SEPTIN9: variants seen among roughly 807,000 people sequenced by gnomAD.
SEPTIN9 encodes septin-9.
SEPTIN9 carries 13 observed loss-of-function variants against 56.6 expected under a neutral mutation model. That is an observed-to-expected ratio of 0.23 (90% CI 0.15 to 0.37). SEPTIN9 has a LOEUF of 0.37. Among genes scored for constraint, SEPTIN9 ranks in the 10% least tolerant of loss-of-function variants. The pLI, the probability that SEPTIN9 is intolerant of heterozygous loss-of-function variation, is 1.00. For missense variants in SEPTIN9, 650 were observed against 823.1 expected, an observed-to-expected ratio of 0.79 and a Z score of 2.57; for synonymous variants, 332 against 334.1, an observed-to-expected ratio of 0.99 and a Z score of 0.07.
chr17:77,348,300 T>G (rs1393733391), intron 2 of SEPTIN9, among the ~76,000 whole-genome samples: 2 of 142,046 alleles, frequency 1.4e-5, no homozygotes, highest in East Asian at 2.5e-4. Flanking sequence ...TTATGTTTTT[T>G]TTTTTTTTTT....
chr17:77,331,520 GGGCAGGGA>G (rs1470518292), intron 2 of SEPTIN9, among the ~76,000 whole-genome samples: 1 of 152,246 alleles, frequency 6.6e-6, no homozygotes, highest in East Asian at 1.9e-4. Flanking sequence ...CGCCCAGCCT[GGGCAGGGA>G]GGCGGGTGGC....
chr17:77,312,289 C>G (rs569246636), intron 2 of SEPTIN9, among the ~76,000 whole-genome samples: 24 of 152,256 alleles, frequency 1.6e-4, no homozygotes, highest in African/African-American at 5.5e-4. Flanking sequence ...AGACCTGGGC[C>G]GGGTCTTCTT....
chr17:77,386,688 G>A (rs1282000971), intron 2 of SEPTIN9, among the ~76,000 whole-genome samples: 1 of 152,200 alleles, frequency 6.6e-6, no homozygotes, highest in Non-Finnish European at 1.5e-5. Flanking sequence ...CTTGCGGACA[G>A]GTGACCACAG....
chr17:77,493,332 G>A, intron 10 of SEPTIN9: 2 of 517,790 alleles, frequency 3.9e-6, no homozygotes, highest in South Asian at 2.1e-5. Flanking sequence ...TGGGATGGGG[G>A]CCGCCAAGTT....
In SEPTIN9 at chr17:77,319,643, T is replaced by C. The variant is rs958600996; in HGVS notation, c.76+12446T>C. 9.4e-7 allele frequency: 1 copy of C among 1,061,766 alleles called. No individual in the cohort carries two copies. The highest frequency in any genetic ancestry group is 1.1e-6 in the Non-Finnish European group (1 of 877,256). 65.8% of individuals were successfully genotyped at this position (1,061,766 alleles called of 1,614,324 possible). ...CGGCCGTTCCTCCTGCCCAGCCACG[T>C]TGGGGTACAGGGTGAAGAAGGGCTG... On this transcript the variant is annotated intron_variant, in intron 2 of 11. Coordinates refer to ENST00000427177, the MANE Select transcript of SEPTIN9 (RefSeq NM_001113491.2). This position sits in a 1 kb window ranked among gnomAD's most constrained non-coding sequence, Gnocchi z 5.3.
Position 77,499,319 on chromosome 17 carries a change from C to G in SEPTIN9, c.*661C>G. On this transcript the variant is annotated 3_prime_UTR_variant, in exon 12 of 12. Transcript: ENST00000427177. ...CTCAGCCATCCGCAGACTGCTTGGC[C>G]AGATGCGGGGACAGGCTGGAATGAG... 1.7e-6 allele frequency: 1 copy of G among 596,608 alleles called. No homozygotes were observed. Among genetic ancestry groups the G allele is most frequent in the Non-Finnish European group, 3.2e-6 (1 of 308,538 alleles). The allele number at this position is 596,608 out of a possible 1,614,324, so 37.0% of individuals were successfully genotyped here.
At position 77,498,507 on chromosome 17, in the gene SEPTIN9, C is replaced by A; in HGVS notation, c.1626-16C>A. The stretch of plus-strand genomic sequence containing the variant: ...TGCGCCCACCTCACTGACCCGCCCG[C>A]CCCCCACCCCCACAGGACGCACATG... On this transcript the variant is annotated splice_polypyrimidine_tract_variant and intron_variant, in intron 11 of 11. Transcript: ENST00000427177. The A allele has an allele frequency of 6.7e-6, 3 of 446,452 alleles. No homozygotes were observed. Among genetic ancestry groups the A allele is most frequent in the Non-Finnish European group, 1.4e-5 (3 of 220,840 alleles). 27.7% of individuals were successfully genotyped at this position (446,452 alleles called of 1,614,324 possible).
chr17:77,332,256 G>A (rs1010112440), intron 2 of SEPTIN9, among the ~76,000 whole-genome samples: 8 of 151,352 alleles, frequency 5.3e-5, no homozygotes, highest in Non-Finnish European at 1.0e-4. Flanking sequence ...CAGCCTGGGC[G>A]ACAGAACAAA....
Position 77,281,530 on chromosome 17 carries a change from G to C in SEPTIN9, c.-6G>C. 6.5e-7 allele frequency: 1 copy of C among 1,549,558 alleles called. No individual in the cohort carries two copies. The highest frequency in any genetic ancestry group is 8.7e-7 in the Non-Finnish European group (1 of 1,147,316). On this transcript the variant is annotated 5_prime_UTR_variant, in exon 1 of 12. Coordinates refer to ENST00000427177, the MANE Select transcript of SEPTIN9 (RefSeq NM_001113491.2). ...CTTTCCTGGGAGCGGCGGCCACGGA[G>C]GCACCATGAAGAAGTCTTACTCAGG...
At chr17:77,467,899 G>A (rs1408612099) in intron 3 of SEPTIN9, among the ~76,000 whole-genome samples, 1 of 152,128 alleles carries the variant, frequency 6.6e-6, no homozygotes, top group African/African-American at 2.4e-5. Flanking sequence ...TGGGTGCTTC[G>A]GACGTGTAAG....
In SEPTIN9 at chr17:77,492,694, G is replaced by A. The variant is rs1439992189; in HGVS notation, c.1454G>A (p.Arg485Gln). ...GAATTTGATGAGGACTCGGAGGACC[G>A]GCTGGTGAACGAGAAGTTCCGGGTG... ...QKEFDEDSED[R>Q]LVNEKFREMI... is the part of the protein sequence containing the mutation. Residue 485 changes from arginine to glutamine, a missense_variant, in exon 9 of 12, where the codon CGG (arginine) becomes CAG (glutamine). This residue lies in a region of SEPTIN9 where 333 missense variants were observed against 494.0 expected (regional missense o/e 0.67). Coordinates refer to ENST00000427177, the MANE Select transcript of SEPTIN9 (RefSeq NM_001113491.2). The surrounding 1 kb of genome is among the most constrained non-coding windows in gnomAD (Gnocchi z 5.4). The A allele has an allele frequency of 7.4e-6, 12 of 1,613,964 alleles. No individual in the cohort carries two copies. Among genetic ancestry groups the A allele is most frequent in the South Asian group, 3.3e-5 (3 of 91,084 alleles).
intron 4 of SEPTIN9, among the ~76,000 whole-genome samples, chr17:77,484,745 GT>G (rs2039634514): frequency 1.1e-4 from 6 of 55,690 alleles, no homozygotes; most frequent in African/African-American, 7.7e-4. Context: ...GGTGGTGGTG[GT>G]GGTTGTGATG....
chr17:77,358,841 C>T (rs1269998361), intron 2 of SEPTIN9, among the ~76,000 whole-genome samples: 4 of 152,134 alleles, frequency 2.6e-5, no homozygotes, highest in Non-Finnish European at 4.4e-5. Flanking sequence ...TTGAGTTAGT[C>T]AAGGCACCAT....
intron 8 of SEPTIN9, 49 bp downstream of exon 8, chr17:77,490,908 C>T (rs754608398): frequency 3.9e-5 from 54 of 1,402,094 alleles, no homozygotes; most frequent in East Asian, 2.7e-4. Context: ...AACCTGGAGA[C>T]GCTGCAGGCC....
rs968286305 is a variant in SEPTIN9, at chr17:77,344,189, A to G, written c.76+36992A>G. Among the ~76,000 whole-genome samples, 35 of 152,270 alleles carry G rather than the reference A, an allele frequency of 2.3e-4. No individual in the cohort carries two copies. In the South Asian group the frequency reaches 7.0e-3, roughly 31 times the overall value. ...CCTACAACTAAGCCACAAAACAAAA[A>G]AAAACAACCCAGTGAACAGACATTT... is the stretch of plus-strand genomic sequence containing the variant. On this transcript the variant is annotated intron_variant, in intron 2 of 11. Coordinates refer to ENST00000427177, the MANE Select transcript of SEPTIN9 (RefSeq NM_001113491.2).
rs911435214 is a variant in SEPTIN9 at position 77,330,499 on chromosome 17, G to C, written c.76+23302G>C. 6.6e-6 allele frequency among the ~76,000 whole-genome samples: 1 copy of C among 152,172 alleles called. No homozygotes were observed. The highest frequency in any genetic ancestry group is 1.5e-5 in the Non-Finnish European group (1 of 68,022). The stretch of plus-strand genomic sequence containing the variant: ...ATGGCGTGGACTCAGCCAGGCTCTC[G>C]GGCAGCCTTTCCTGGATTCTTCCTC... On this transcript the variant is annotated intron_variant, in intron 2 of 11. Transcript: ENST00000427177. The surrounding 1 kb of genome is among the most constrained non-coding windows in gnomAD (Gnocchi z 4.4).
intron 3 of SEPTIN9, among the ~76,000 whole-genome samples, chr17:77,480,916 C>T (rs1199447634): frequency 3.9e-5 from 6 of 152,304 alleles, no homozygotes; most frequent in South Asian, 2.1e-4. Context: ...GCCCAGCCTG[C>T]GTGGGAGCTG....
rs900873267 is a variant in SEPTIN9, at chr17:77,496,929, C to A, written c.1574-386C>A. The A allele has an allele frequency of 1.0e-5, 3 of 290,428 alleles. No individual in the cohort carries two copies. The Admixed American group carries it at 1.3e-4, about 12-fold the overall frequency. 18.0% of individuals were successfully genotyped at this position (290,428 alleles called of 1,614,324 possible). A position where few individuals can be genotyped will look rare whatever the true frequency, so the allele number is the denominator to read the frequency against. ...CCCAGCCCCCTGCCTGTCTTCAGGC[C>A]CCTGCTGGGACGTCCTGCTCTCCCT... On this transcript the variant is annotated intron_variant, in intron 10 of 11. Coordinates refer to ENST00000427177, the MANE Select transcript of SEPTIN9 (RefSeq NM_001113491.2).
intron 3 of SEPTIN9, among the ~76,000 whole-genome samples, chr17:77,417,831 C>T (rs2036555859): frequency 6.6e-6 from 1 of 152,226 alleles, no homozygotes; most frequent in Non-Finnish European, 1.5e-5. Context: ...GCAAATCCTC[C>T]TACCGGAGGG....
Sources: gnomAD v4.1 joint callset for allele counts (sites outside exome capture counted in the v4.1 genomes callset) on GRCh38, gnomAD v4.1.1 for gene constraint, gnomAD v4.1.1 regional missense constraint, Gnocchi (gnomAD v3.1) non-coding constraint, MANE v1.5 for transcripts, NCBI Gene and HGNC (gene_info 2026-07-23, HGNC 2026-07-21) for gene names.